Variants in EYA2 observed in about 807,000 individuals in gnomAD.
EYA2 encodes protein phosphatase EYA2.
In EYA2, 31 loss-of-function variants were observed where a neutral mutation model predicts 69.2. The observed-to-expected ratio is 0.45, with a 90% confidence interval of 0.34 to 0.60. The LOEUF is 0.60. EYA2 is among the 20% of genes least tolerant of loss of function. The pLI is 0.02. For missense variants in EYA2, 622 were observed against 701.2 expected, an observed-to-expected ratio of 0.89 and a Z score of 1.28; for synonymous variants, 257 against 279.4, an observed-to-expected ratio of 0.92 and a Z score of 0.80.
intron 1 of EYA2, among the ~76,000 whole-genome samples, chr20:46,959,589 T>A (rs142483246): frequency 1.3e-5 from 2 of 152,212 alleles, no homozygotes; most frequent in Admixed American, 1.3e-4. Flanking sequence ...TCCTCCTGCA[T>A]CACTCTGCCG....
rs193140755 is a variant in EYA2 at position 47,091,456 on chromosome 20, G to A, written c.804+2075G>A. On this transcript the variant is annotated intron_variant, in intron 8 of 15. Transcript: ENST00000327619. ...GTTGCAAGCAACAGAAACCAGTACC[G>A]GGCCCAGCACAGTGGCTCACGCCTA... Among the ~76,000 whole-genome samples the A allele has an allele frequency of 2.8e-4, 42 of 152,098 alleles. 2 individuals are homozygous for A. The East Asian group carries it at 5.2e-3, about 19-fold the overall frequency.
At chr20:47,114,298 C>T (rs1042795693) in intron 9 of EYA2, among the ~76,000 whole-genome samples, 2 of 152,192 alleles carry the variant, frequency 1.3e-5, no homozygotes, top group African/African-American at 4.8e-5. Flanking sequence ...CGTTTTTAGC[C>T]TTTCCTCTTC....
At chr20:47,008,100 C>G (rs1258758736) in intron 4 of EYA2, among the ~76,000 whole-genome samples, 13 of 152,188 alleles carry the variant, frequency 8.5e-5, no homozygotes, top group Non-Finnish European at 1.5e-4. Context: ...AAGAGCAACT[C>G]TAGAGGCAGA....
At chr20:47,034,725 T>G (rs2146403653) in intron 5 of EYA2, among the ~76,000 whole-genome samples, 1 of 152,336 alleles carries the variant, frequency 6.6e-6, no homozygotes, top group South Asian at 2.1e-4. Flanking sequence ...TGGGTCACTT[T>G]GAAGAATATA....
At chr20:47,120,219 TAAATA>T (rs1261030202) in intron 9 of EYA2, among the ~76,000 whole-genome samples, 2 of 151,202 alleles carry the variant, frequency 1.3e-5, no homozygotes, top group African/African-American at 2.4e-5. Context: ...AAAAAAAAAT[TAAATA>T]AAATAGCCAG....
intron 1 of EYA2, among the ~76,000 whole-genome samples, chr20:46,910,671 C>A (rs77694468): frequency 0.016 from 2,458 of 152,280 alleles, 38 homozygotes; most frequent in Non-Finnish European, 0.027. Flanking sequence ...CTTTTGCTCC[C>A]GTTGCTGCCT....
At chr20:46,963,941 G>T (rs1479189978) in intron 1 of EYA2, among the ~76,000 whole-genome samples, 3 of 152,246 alleles carry the variant, frequency 2.0e-5, no homozygotes, top group Non-Finnish European at 4.4e-5. Context: ...CAGGCTTCGG[G>T]TCCTTGGTCT....
intron 1 of EYA2, among the ~76,000 whole-genome samples, chr20:46,902,848 A>G (rs1600528199): frequency 6.6e-6 from 1 of 152,214 alleles, no homozygotes; most frequent in South Asian, 2.1e-4. Context: ...GCAGGGTTGA[A>G]CAGCCGTACT....
chr20:47,041,528 G>A (rs566735584), intron 5 of EYA2, among the ~76,000 whole-genome samples: 2 of 152,342 alleles, frequency 1.3e-5, no homozygotes, highest in South Asian at 4.2e-4. Context: ...TCATAAGCTT[G>A]TAGCAACTGC....
At chr20:47,176,948 C>T (rs2034438461) in intron 12 of EYA2, among the ~76,000 whole-genome samples, 3 of 151,866 alleles carry the variant, frequency 2.0e-5, no homozygotes, top group African/African-American at 7.3e-5. Context: ...CCTGCCACCA[C>T]ACCCGGCTAA....
At chr20:47,163,527 C>T (rs571987716) in intron 10 of EYA2, among the ~76,000 whole-genome samples, 67 of 151,746 alleles carry the variant, frequency 4.4e-4, no homozygotes, top group East Asian at 1.9e-4. Context: ...GGAGAAACCC[C>T]GTCTCTACTA....
intron 8 of EYA2, among the ~76,000 whole-genome samples, chr20:47,091,042 C>A (rs967556143): frequency 6.6e-6 from 1 of 152,084 alleles, no homozygotes; most frequent in Non-Finnish European, 1.5e-5. Flanking sequence ...AGCGTCACAT[C>A]CCTATTTATA....
intron 10 of EYA2, among the ~76,000 whole-genome samples, chr20:47,151,478 T>C (rs1360288154): frequency 1.3e-5 from 2 of 151,880 alleles, no homozygotes; most frequent in Non-Finnish European, 2.9e-5. Flanking sequence ...GATCCAATGG[T>C]CTTTTTTTAA....
intron 5 of EYA2, among the ~76,000 whole-genome samples, chr20:47,047,120 A>G (rs1010330926): frequency 1.3e-5 from 2 of 152,144 alleles, no homozygotes; most frequent in African/African-American, 4.8e-5. Flanking sequence ...GTGCATCCCC[A>G]TGAATATCCA....
chr20:46,932,757 G>T (rs1985727638), intron 1 of EYA2, among the ~76,000 whole-genome samples: 1 of 152,056 alleles, frequency 6.6e-6, no homozygotes, highest in African/African-American at 2.4e-5. Context: ...GTGGTGGCGG[G>T]TGCCTGTATT....
chr20:47,100,115 TGAAGGAAG>T (rs1201637204), intron 9 of EYA2, among the ~76,000 whole-genome samples: 1 of 152,102 alleles, frequency 6.6e-6, no homozygotes, highest in Non-Finnish European at 1.5e-5. Context: ...ATTTGTTAAA[TGAAGGAAG>T]GAAGGAAGGA....
At chr20:47,078,930 G>T (rs911253481) in intron 7 of EYA2, among the ~76,000 whole-genome samples, 1 of 152,066 alleles carries the variant, frequency 6.6e-6, no homozygotes, top group Non-Finnish European at 1.5e-5. Flanking sequence ...GAATTTATCC[G>T]AAAGATAAAC....
intron 1 of EYA2, among the ~76,000 whole-genome samples, chr20:46,982,227 G>T (rs1245315332): frequency 6.6e-6 from 1 of 152,076 alleles, no homozygotes; most frequent in Admixed American, 6.6e-5. Flanking sequence ...TCTTCATTTT[G>T]AAGTATTTTT....
At chr20:47,049,783 A>G (rs979653887) in intron 5 of EYA2, among the ~76,000 whole-genome samples, 2 of 151,954 alleles carry the variant, frequency 1.3e-5, no homozygotes, top group Non-Finnish European at 2.9e-5. Flanking sequence ...TCTTTATAGC[A>G]TGCAAAATCT....
Sources: allele counts gnomAD v4.1 joint callset (sites outside exome capture counted in the v4.1 genomes callset), GRCh38; gene constraint gnomAD v4.1.1; transcripts MANE v1.5; gene names NCBI Gene and HGNC (gene_info 2026-07-23, HGNC 2026-07-21).